ATP13A3: variants seen among roughly 807,000 people sequenced by gnomAD.
The protein encoded by ATP13A3 is ATPase 13A3, also known as polyamine-transporting ATPase 13A3.
Under a neutral mutation model 158.1 loss-of-function variants are expected in ATP13A3, and 59 were observed. The observed-to-expected ratio is 0.37, with a 90% CI of 0.30 to 0.46. The LOEUF is 0.46. Ranked by LOEUF, ATP13A3 falls within the 20% of genes least tolerant of loss-of-function variation. The probability of loss-of-function intolerance (pLI) is 1.00; values close to 1 mark genes in which losing one functional copy is unlikely to be tolerated. For missense variants in ATP13A3, 1,166 were observed against 1,525.2 expected (o/e 0.76, Z 3.92); for synonymous variants, 491 against 504.3 (o/e 0.97, Z 0.35).
At position 194,448,705 on chromosome 3, in the gene ATP13A3, C is replaced by A; in HGVS notation, c.971-69G>T. ...TAAACGAAAGCACAGGAATCAGTAT[C>A]GAACACCAAAAAATATTAAATTGTT... On this transcript the variant is annotated intron_variant, in intron 11 of 33. Coordinates refer to ENST00000645319, the MANE Select transcript of ATP13A3 (RefSeq NM_001367549.1). The surrounding 1 kb of genome is among the most constrained non-coding windows in gnomAD (Gnocchi z 4.0). 7.1e-7 allele frequency: 1 copy of A among 1,415,640 alleles called. No homozygotes were observed. The highest frequency in any genetic ancestry group is 2.2e-5 in the Admixed American group (1 of 44,940). The allele number at this position is 1,415,640 out of a possible 1,614,324, so 87.7% of individuals were successfully genotyped here. A position where few individuals can be genotyped will look rare whatever the true frequency, so the allele number is the denominator to read the frequency against.
chr3:194,410,320 A>AAAAAAAC (rs1715295626), intron 33 of ATP13A3, among the ~76,000 whole-genome samples: 9 of 125,986 alleles, frequency 7.1e-5, no homozygotes, highest in African/African-American at 2.9e-4. Context: ...AAAAAAAAAA[A>AAAAAAAC]AAAAAAAAAA....
At chr3:194,473,754 C>T (rs768691015) in intron 2 of ATP13A3, among the ~76,000 whole-genome samples, 6 of 151,986 alleles carry the variant, frequency 3.9e-5, no homozygotes, top group Non-Finnish European at 7.4e-5. Flanking sequence ...CTGTTTGCAG[C>T]AGGGGGAAAA....
At chr3:194,467,940 G>A (rs557417755) in intron 2 of ATP13A3, 2 of 152,104 alleles carry the variant, frequency 1.3e-5, no homozygotes, top group Admixed American at 1.3e-4. Context: ...AGTCAAATTC[G>A]ATATCAGAGA....
At chr3:194,457,286 C>A in intron 6 of ATP13A3, 112 bp from the exon 7 acceptor site, 1 of 677,866 alleles carries the variant, frequency 1.5e-6, no homozygotes, top group East Asian at 2.8e-5. Context: ...CTTACAAATC[C>A]TTAGAAACCC....
At chr3:194,425,013 C>G (rs1012673797) in intron 30 of ATP13A3, among the ~76,000 whole-genome samples, 4 of 152,106 alleles carry the variant, frequency 2.6e-5, no homozygotes, top group African/African-American at 9.7e-5. Context: ...TCTCCGCCCC[C>G]GATCCTAACT....
chr3:194,475,529 G>A (rs995725239), intron 2 of ATP13A3, among the ~76,000 whole-genome samples: 5 of 152,030 alleles, frequency 3.3e-5, no homozygotes, highest in Admixed American at 1.3e-4. Context: ...ACCTACCCAC[G>A]CTAACCCAGC....
At position 194,425,289 on chromosome 3, in the gene ATP13A3, A is replaced by G; in HGVS notation, c.3313+53T>C. The G allele has an allele frequency of 9.6e-6, 14 of 1,460,188 alleles. No individual in the cohort carries two copies. In the South Asian group the frequency reaches 1.4e-4, roughly 15 times the overall value. The allele number at this position is 1,460,188 out of a possible 1,614,324, so 90.5% of individuals were successfully genotyped here. A position where few individuals can be genotyped will look rare whatever the true frequency, so the allele number is the denominator to read the frequency against. On this transcript the variant is annotated intron_variant, in intron 30 of 33. Transcript: ENST00000645319. ...GACAGTTATAATTATTCTCTTCTACATTAGTTTTAAAGGGGCAAGCAGGGT... is the reference window on the plus strand; with the variant it reads ...GACAGTTATAATTATTCTCTTCTACGTTAGTTTTAAAGGGGCAAGCAGGGT...
chr3:194,411,225 C>CCA (rs1057377038), intron 33 of ATP13A3, among the ~76,000 whole-genome samples: 7 of 152,100 alleles, frequency 4.6e-5, no homozygotes, highest in Non-Finnish European at 8.8e-5. Context: ...CAGGAAGGTA[C>CCA]CACTTAGGTA....
chr3:194,483,818 C>G (rs1321707850), intron 2 of ATP13A3, among the ~76,000 whole-genome samples: 1 of 152,044 alleles, frequency 6.6e-6, no homozygotes, highest in East Asian at 1.9e-4. Flanking sequence ...TCGAGCAGCC[C>G]TGTTCTGCAA....
At chr3:194,410,296 C>CAAAAAAA (rs772008929) in intron 33 of ATP13A3, among the ~76,000 whole-genome samples, 308 of 21,812 alleles carry the variant, frequency 0.014, 109 homozygotes, top group East Asian at 0.023. Flanking sequence ...CTCCTCTCTG[C>CAAAAAAA]AAAAAAAAAA....
Position 194,405,747 on chromosome 3 carries a change from C to T in ATP13A3, c.*172G>A, listed in dbSNP as rs1405678466. ...TTGATTGTTAATTTAACTGTTAGGA[C>T]GATATATTTTTCTGTTTTTATTTTA... is the stretch of plus-strand genomic sequence containing the variant. On this transcript the variant is annotated 3_prime_UTR_variant, in exon 34 of 34. Coordinates refer to ENST00000645319, the MANE Select transcript of ATP13A3 (RefSeq NM_001367549.1). 9.2e-6 allele frequency: 6 copies of T among 652,506 alleles called. No homozygotes were observed. Among genetic ancestry groups the T allele is most frequent in the Middle Eastern group, 8.5e-4 (2 of 2,354 alleles). 40.4% of individuals were successfully genotyped at this position (652,506 alleles called of 1,614,324 possible).
At chr3:194,410,443 C>T (rs1386328829) in intron 33 of ATP13A3, among the ~76,000 whole-genome samples, 2 of 151,744 alleles carry the variant, frequency 1.3e-5, no homozygotes, top group Non-Finnish European at 2.9e-5. Context: ...TGGCATGCAC[C>T]TCTAATGCCA....
chr3:194,409,975 G>A (rs1715236708), intron 33 of ATP13A3, among the ~76,000 whole-genome samples: 2 of 151,876 alleles, frequency 1.3e-5, no homozygotes, highest in Non-Finnish European at 2.9e-5. Context: ...CCTAAAGCCA[G>A]TAAGTTTTTA....
chr3:194,470,527 G>A (rs921376621), intron 2 of ATP13A3, among the ~76,000 whole-genome samples: 2 of 151,970 alleles, frequency 1.3e-5, no homozygotes, highest in African/African-American at 4.8e-5. Context: ...TGGCAAAAAG[G>A]GGGACATTAC....
intron 20 of ATP13A3, among the ~76,000 whole-genome samples, chr3:194,434,707 A>T (rs1408014334): frequency 6.6e-6 from 1 of 152,174 alleles, no homozygotes; most frequent in Non-Finnish European, 1.5e-5. Flanking sequence ...GCTTGAACCT[A>T]GGAGTTTGAG....
chr3:194,416,650 A>G (rs985202840), intron 31 of ATP13A3, among the ~76,000 whole-genome samples: 9 of 152,214 alleles, frequency 5.9e-5, no homozygotes, highest in African/African-American at 1.9e-4. Context: ...ACTATAACTA[A>G]TATATTAAGA....
At chr3:194,465,483 G>A (rs549475902) in intron 2 of ATP13A3, among the ~76,000 whole-genome samples, 19 of 152,216 alleles carry the variant, frequency 1.2e-4, no homozygotes, top group Admixed American at 4.6e-4. Flanking sequence ...AACCACCAGG[G>A]CTCACAAAAG....
chr3:194,483,198 C>T (rs927228112), intron 2 of ATP13A3, among the ~76,000 whole-genome samples: 1 of 151,646 alleles, frequency 6.6e-6, no homozygotes, highest in Non-Finnish European at 1.5e-5. Flanking sequence ...GCAGGAAGGT[C>T]GCCTGAGCCC....
chr3:194,446,979 C>A lies in ATP13A3; in HGVS notation c.1445G>T (p.Ser482Ile), dbSNP rs1368214330. The change falls in exon 14 of 34, where the codon AGT (serine) becomes ATT (isoleucine). Residue 482 changes from serine (S) to isoleucine (I), a missense_variant. Coordinates refer to ENST00000645319, the MANE Select transcript of ATP13A3 (RefSeq NM_001367549.1). ...RLKKIGIFCI[S>I]PQRINICGQL... ...TCCACAAATATTTATTCTTTGAGGACTGATACAGAAAATACCGATTTTTTT... is the reference window on the plus strand; with the variant it reads ...TCCACAAATATTTATTCTTTGAGGAATGATACAGAAAATACCGATTTTTTT... 2 of 1,613,558 alleles carry A rather than the reference C, an allele frequency of 1.2e-6. No individual in the cohort carries two copies. Among genetic ancestry groups the A allele is most frequent in the Non-Finnish European group, 1.7e-6 (2 of 1,179,892 alleles).
Sources: allele counts gnomAD v4.1 joint callset (sites outside exome capture counted in the v4.1 genomes callset), GRCh38; gene constraint gnomAD v4.1.1; non-coding constraint Gnocchi (gnomAD v3.1); transcripts MANE v1.5; gene names NCBI Gene and HGNC (gene_info 2026-07-23, HGNC 2026-07-21).